EPPK1: variants seen among roughly 807,000 people sequenced by gnomAD.
EPPK1 encodes epiplakin.
For synonymous variants in EPPK1, 1,862 were observed against 1,721.2 expected (o/e 1.08, Z -2.03); for missense variants, 3,823 against 3,673.3 (o/e 1.04, Z -1.05).
rs528866311 is a variant in EPPK1, at chr8:143,870,323, G to A, written c.2931C>T (p.His977=). ...CATCCACCGAGAGGCTCTCTGGGCT[G>A]TGAGGGTCCATGATGGTTCCGGTGG... ...QAATGTIMDP[H]SPESLSVDEA... The change falls in exon 2 of 2, where the codon CAC becomes CAT. Residue 977 remains histidine, a synonymous_variant. Coordinates refer to ENST00000615648, the MANE Select transcript of EPPK1 (RefSeq NM_031308.4). This position sits in a 1 kb window ranked among gnomAD's most constrained non-coding sequence, Gnocchi z 5.2. The A allele has an allele frequency of 1.7e-5, 27 of 1,569,214 alleles. No individual in the cohort carries two copies. The highest frequency in any genetic ancestry group is 1.7e-4 in the Middle Eastern group (1 of 5,884).
Position 143,873,240 on chromosome 8 carries a change from G to A in EPPK1, c.14C>T (p.Thr5Ile). The A allele has an allele frequency of 1.3e-6, 2 of 1,565,012 alleles. No individual in the cohort carries two copies. Among genetic ancestry groups the A allele is most frequent in the South Asian group, 1.2e-5 (1 of 82,622 alleles). The part of the protein sequence containing the change: MSGH[T>I]LPPLPVPGTN... ...GCCTGGGACGGGAAGAGGAGGCAAG[G>A]TGTGGCCACTCATCACACACGGCTG... Residue 5 changes from threonine to isoleucine, a missense_variant, in exon 2 of 2, where the codon ACC (threonine) becomes ATC (isoleucine). By Grantham distance (89) the Thr-to-Ile change is moderately conservative (BLOSUM62 -1). Transcript: ENST00000615648.
rs782047958 is a variant in EPPK1, at chr8:143,869,180, C to G, written c.4074G>C (p.Val1358=). 7 of 1,608,668 alleles carry G rather than the reference C, an allele frequency of 4.4e-6. No individual in the cohort carries two copies. Among genetic ancestry groups the G allele is most frequent in the Non-Finnish European group, 5.9e-6 (7 of 1,179,598 alleles). Residue 1358 remains valine (V), a synonymous_variant, in exon 2 of 2, where the codon GTG becomes GTC. Coordinates refer to ENST00000615648, the MANE Select transcript of EPPK1 (RefSeq NM_031308.4). ...CCACCACACCCCCTGTGGCCAGCTG[C>G]ACCTGCAGGAGGGGCAAGCCCTCGT... ...PQNEGLPLLQ[V]QLATGGVVDP...
rs1472137024 is a variant in EPPK1 at position 143,866,389 on chromosome 8, C to G, written c.6865G>C (p.Ala2289Pro). Reference protein sequence around the residue: ...LRLSVEEAVAAGVVGGEIQEK... With the variant: ...LRLSVEEAVAPGVVGGEIQEK... The stretch of plus-strand genomic sequence containing the variant: ...TGGATCTCGCCGCCCACCACGCCCG[C>G]GGCCACGGCCTCCTCCACCGACAGC... Residue 2289 changes from alanine to proline, a missense_variant, in exon 2 of 2, where the codon GCG becomes CCG. Transcript: ENST00000615648. The G allele has an allele frequency of 9.9e-7, 1 of 1,008,900 alleles. No individual in the cohort carries two copies. Among genetic ancestry groups the G allele is most frequent in the African/African-American group, 1.9e-5 (1 of 53,588 alleles). 62.5% of individuals were successfully genotyped at this position (1,008,900 alleles called of 1,614,324 possible). A position where few individuals can be genotyped will look rare whatever the true frequency, so the allele number is the denominator to read the frequency against.
chr8:143,877,015 C>T (rs1819494827), intron 1 of EPPK1, among the ~76,000 whole-genome samples: 1 of 152,264 alleles, frequency 6.6e-6, no homozygotes. Context: ...CTCAAGTTCC[C>T]CAAACAAAGA....
rs782174162 is a variant in EPPK1 at position 143,872,332 on chromosome 8, G to A, written c.922C>T (p.His308Tyr). The A allele has an allele frequency of 3.1e-6, 5 of 1,603,194 alleles. No individual in the cohort carries two copies. The highest frequency in any genetic ancestry group is 2.7e-5 in the African/African-American group (2 of 74,700). ...KKSFFQAATE[H>Y]LLPMGTALPL... ...AGCGCGGTGCCCATTGGGAGCAGGT[G>A]CTCGGTGGCAGCCTGGAAAAAGCTC... is the stretch of plus-strand genomic sequence containing the variant. The change falls in exon 2 of 2, where the codon CAC (histidine) becomes TAC (tyrosine). Residue 308 changes from histidine to tyrosine, a missense_variant. By Grantham distance (83) the His-to-Tyr change is moderately conservative. Coordinates refer to ENST00000615648, the MANE Select transcript of EPPK1 (RefSeq NM_031308.4).
In EPPK1 at chr8:143,871,597, C is replaced by T. The variant is rs1554661232; in HGVS notation, c.1657G>A (p.Ala553Thr). The part of the protein sequence containing the change: ...AKLSATLEQA[A>T]ATARVTFSGL... ...GAAAAGGTGACCCTGGCAGTGGCTG[C>T]AGCCTGCTCGAGGGTGGCGCTCAGC... The change falls in exon 2 of 2, where the codon GCA becomes ACA. Residue 553 changes from alanine to threonine, a missense_variant. Physicochemically the swap from Ala to Thr is moderately conservative, Grantham distance 58. Transcript: ENST00000615648. 6.2e-7 allele frequency: 1 copy of T among 1,607,850 alleles called. No individual in the cohort carries two copies. Among genetic ancestry groups the T allele is most frequent in the Non-Finnish European group, 8.5e-7 (1 of 1,178,506 alleles).
Position 143,871,452 on chromosome 8 carries a change from G to A in EPPK1, c.1802C>T (p.Ser601Leu), listed in dbSNP as rs782376849. ...CGTACCCTGCAGGTACCTCTGCACC[G>A]AGGCCAGGCTGCCCACATCCTTGGC... is the stretch of plus-strand genomic sequence containing the variant. ...ATAKDVGSLASVQRYLQGTGC... is the reference protein window; with the variant it reads ...ATAKDVGSLALVQRYLQGTGC... Residue 601 changes from serine to leucine, a missense_variant, in exon 2 of 2, where the codon TCG becomes TTG. Ser to Leu is a moderately radical substitution (Grantham distance 145, BLOSUM62 -2). Transcript: ENST00000615648. The A allele has an allele frequency of 2.0e-5, 32 of 1,606,778 alleles. No individual in the cohort carries two copies. The highest frequency in any genetic ancestry group is 5.6e-5 in the South Asian group (5 of 90,054).
chr8:143,868,054 G>A lies in EPPK1; in HGVS notation c.5200C>T (p.His1734Tyr), dbSNP rs1228084101. 2 of 1,613,526 alleles carry A rather than the reference G, an allele frequency of 1.2e-6. No individual in the cohort carries two copies. The highest frequency in any genetic ancestry group is 1.7e-6 in the Non-Finnish European group (2 of 1,180,036). ...DTKGFFDPNT[H>Y]ENLTYLQLLE... The stretch of plus-strand genomic sequence containing the variant: ...AGCTGCAGGTACGTGAGGTTCTCGT[G>A]CGTGTTGGGGTCGAAGAAGCCCTTG... The change falls in exon 2 of 2, where the codon CAC becomes TAC. Residue 1734 changes from histidine (H) to tyrosine (Y), a missense_variant. By Grantham distance (83) the His-to-Tyr change is moderately conservative. Coordinates refer to ENST00000615648, the MANE Select transcript of EPPK1 (RefSeq NM_031308.4).
Position 143,870,670 on chromosome 8 carries a change from C to G in EPPK1, c.2584G>C (p.Gly862Arg), listed in dbSNP as rs1819313319. The change falls in exon 2 of 2, where the codon GGG (glycine) becomes CGG (arginine). Residue 862 changes from glycine to arginine, a missense_variant. Coordinates refer to ENST00000615648, the MANE Select transcript of EPPK1 (RefSeq NM_031308.4). This position sits in a 1 kb window ranked among gnomAD's most constrained non-coding sequence, Gnocchi z 5.2. ...GCCTCCAGCAGCTTTGCCACCTGCCCCAGCGTGACCTCGCGCTGCCGGTAG... is the reference window on the plus strand; with the variant it reads ...GCCTCCAGCAGCTTTGCCACCTGCCGCAGCGTGACCTCGCGCTGCCGGTAG... Reference protein sequence around the residue: ...RRYRQREVTLGQVAKLLEAET... With the variant: ...RRYRQREVTLRQVAKLLEAET... The G allele has an allele frequency of 6.2e-7, 1 of 1,607,954 alleles. No homozygotes were observed. Among genetic ancestry groups the G allele is most frequent in the African/African-American group, 1.3e-5 (1 of 74,748 alleles).
chr8:143,872,623 A>G lies in EPPK1; in HGVS notation c.631T>C (p.Tyr211His), dbSNP rs782792698. The change falls in exon 2 of 2, where the codon TAC becomes CAC. Residue 211 changes from tyrosine to histidine, a missense_variant. Transcript: ENST00000615648. Reference sequence around the variant, plus strand: ...ACACACCTTTCCAGCAGCTGGTGGTATGTCAGCCGCTCCAGCGTGTTGGGG... The same window carrying G: ...ACACACCTTTCCAGCAGCTGGTGGTGTGTCAGCCGCTCCAGCGTGTTGGGG... ...LDPNTLERLT[Y>H]HQLLERCVRA... The G allele has an allele frequency of 1.9e-6, 3 of 1,609,880 alleles. No homozygotes were observed. Among genetic ancestry groups the G allele is most frequent in the African/African-American group, 2.7e-5 (2 of 74,930 alleles).
At position 143,871,606 on chromosome 8, in the gene EPPK1, C is replaced by T. The variant is rs376431211; in HGVS notation, c.1648G>A (p.Glu550Lys). 4.9e-5 allele frequency: 79 copies of T among 1,607,884 alleles called. No homozygotes were observed. Among genetic ancestry groups the T allele is most frequent in the South Asian group, 8.9e-5 (8 of 90,282 alleles). The change falls in exon 2 of 2, where the codon GAG (glutamate) becomes AAG (lysine). Residue 550 changes from glutamate to lysine, a missense_variant. Transcript: ENST00000615648. ...KLAAKLSATL[E>K]QAAATARVTF... ...ACCCTGGCAGTGGCTGCAGCCTGCT[C>T]GAGGGTGGCGCTCAGCTTAGCGGCC...
At chr8:143,878,240 C>G (rs1354090982) in intron 1 of EPPK1, among the ~76,000 whole-genome samples, 198 bp downstream of exon 1, 1 of 151,836 alleles carries the variant, frequency 6.6e-6, no homozygotes, top group African/African-American at 2.4e-5. Flanking sequence ...GAAACCTGCC[C>G]GGCCAGAGCC....
In EPPK1 at chr8:143,868,816, C is replaced by T. The variant is rs377277154; in HGVS notation, c.4438G>A (p.Ala1480Thr). The change falls in exon 2 of 2, where the codon GCT becomes ACT. Residue 1480 changes from alanine (A) to threonine (T), a missense_variant. By Grantham distance (58) the Ala-to-Thr change is moderately conservative. Transcript: ENST00000615648. ...GCCACCAGCTCCCGCCGCTTGTCAG[C>T]GCCAACGTATTCGGAGAGCAGCAGG... The part of the protein sequence containing the change: ...WDLLLSEYVG[A>T]DKRRELVALC... 4.7e-5 allele frequency: 75 copies of T among 1,605,006 alleles called. 3 individuals are homozygous for T. In the Middle Eastern group the frequency reaches 3.5e-3, roughly 74 times the overall value.
In EPPK1 at chr8:143,873,301, G is replaced by A. The variant is rs1586702307; in HGVS notation, c.-45-3C>T. On this transcript the variant is annotated splice_region_variant and splice_polypyrimidine_tract_variant and intron_variant, in intron 1 of 1. Transcript: ENST00000615648. The stretch of plus-strand genomic sequence containing the variant: ...GCCTGCTGAGGTCCACCTCTGTCCT[G>A]CAGGGGACAGAAAGGCTCAATCAGG... The A allele has an allele frequency of 7.5e-6, 11 of 1,461,452 alleles. No homozygotes were observed. The highest frequency in any genetic ancestry group is 9.0e-6 in the Non-Finnish European group (10 of 1,111,590). 90.5% of individuals were successfully genotyped at this position (1,461,452 alleles called of 1,614,324 possible).
rs782769363 is a variant in EPPK1, at chr8:143,873,167, C to G, written c.87G>C (p.Thr29=). ...GCCTGGGGGGCGTGCCGGCTCCCAGCGTGGCTGCCATGGCTCTGGGTACAC... is the reference window on the plus strand; with the variant it reads ...GCCTGGGGGGCGTGCCGGCTCCCAGGGTGGCTGCCATGGCTCTGGGTACAC... ...QASVPRAMAA[T]LGAGTPPRPQ... is the part of the protein sequence containing the mutation. Residue 29 remains threonine, a synonymous_variant, in exon 2 of 2, where the codon ACG becomes ACC. Coordinates refer to ENST00000615648, the MANE Select transcript of EPPK1 (RefSeq NM_031308.4). 3.1e-6 allele frequency: 5 copies of G among 1,594,076 alleles called. No individual in the cohort carries two copies. Among genetic ancestry groups the G allele is most frequent in the Non-Finnish European group, 4.3e-6 (5 of 1,172,640 alleles).
At chr8:143,874,571 C>G (rs1190608097) in intron 1 of EPPK1, among the ~76,000 whole-genome samples, 1 of 152,176 alleles carries the variant, frequency 6.6e-6, no homozygotes, top group Non-Finnish European at 1.5e-5. Context: ...AGGCAGGATC[C>G]TCCCCTCGAG....
At position 143,870,913 on chromosome 8, in the gene EPPK1, G is replaced by T; in HGVS notation, c.2341C>A (p.Leu781Ile). 6.2e-7 allele frequency: 1 copy of T among 1,613,424 alleles called. No homozygotes were observed. Among genetic ancestry groups the T allele is most frequent in the East Asian group, 2.2e-5 (1 of 44,890 alleles). The stretch of plus-strand genomic sequence containing the variant: ...GGGTCACGCACACAGCGCTCCAGAA[G>T]CTGCAGGTACGTGAGGTTCTCGTGC... ...NTHENLTYLQLLERCVRDPET... is the reference protein window; with the variant it reads ...NTHENLTYLQILERCVRDPET... The change falls in exon 2 of 2, where the codon CTT (leucine) becomes ATT (isoleucine). Residue 781 changes from leucine (L) to isoleucine (I), a missense_variant. Physicochemically the swap from Leu to Ile is conservative, Grantham distance 5. Coordinates refer to ENST00000615648, the MANE Select transcript of EPPK1 (RefSeq NM_031308.4). This position sits in a 1 kb window ranked among gnomAD's most constrained non-coding sequence, Gnocchi z 5.2.
rs554583014 is a variant in EPPK1, at chr8:143,872,912, G to T, written c.342C>A (p.Ala114=). The T allele has an allele frequency of 1.9e-6, 3 of 1,607,538 alleles. No individual in the cohort carries two copies. The highest frequency in any genetic ancestry group is 2.5e-6 in the Non-Finnish European group (3 of 1,177,086). ...VGLELKEKLL[A]AERATTGYPD... ...GATAGCCCGTAGTGGCACGCTCAGC[G>T]GCCAGCAGCTTCTCCTTCAGCTCCA... is the stretch of plus-strand genomic sequence containing the variant. The change falls in exon 2 of 2, where the codon GCC becomes GCA. Residue 114 remains alanine (A), a synonymous_variant. Coordinates refer to ENST00000615648, the MANE Select transcript of EPPK1 (RefSeq NM_031308.4).
chr8:143,867,079 T>A lies in EPPK1; in HGVS notation c.6175A>T (p.Thr2059Ser), dbSNP rs572291032. ...TCTCGGTACGAGACCTTCTCTTGCGTGTTCGGGTCCACAAACCGTTTCCTC... is the reference window on the plus strand; with the variant it reads ...TCTCGGTACGAGACCTTCTCTTGCGAGTTCGGGTCCACAAACCGTTTCCTC... ...HMRKRFVDPN[T>S]QEKVSYRELQ... Residue 2059 changes from threonine to serine, a missense_variant, in exon 2 of 2, where the codon ACG becomes TCG. Physicochemically the swap from Thr to Ser is moderately conservative, Grantham distance 58. Coordinates refer to ENST00000615648, the MANE Select transcript of EPPK1 (RefSeq NM_031308.4). The A allele has an allele frequency of 2.5e-5, 41 of 1,612,910 alleles. No individual in the cohort carries two copies. In the South Asian group the frequency reaches 4.1e-4, roughly 16 times the overall value.
Sources: gnomAD v4.1 joint callset for allele counts (sites outside exome capture counted in the v4.1 genomes callset) on GRCh38, gnomAD v4.1.1 for gene constraint, Gnocchi (gnomAD v3.1) non-coding constraint, MANE v1.5 for transcripts, NCBI Gene and HGNC (gene_info 2026-07-23, HGNC 2026-07-21) for gene names.